The following VIPR1 variants were observed in gnomAD, a reference collection of about 807,000 sequenced individuals.
The protein encoded by VIPR1 is vasoactive intestinal peptide receptor 1.
VIPR1 carries 59 observed loss-of-function variants against 58.8 expected under a neutral mutation model. The observed-to-expected ratio is 1.00, with a 90% CI of 0.81 to 1.25. The LOEUF is 1.25. VIPR1 is among the 50% of genes most tolerant of loss of function. The pLI is 0.00. For missense variants in VIPR1, 626 were observed against 602.7 expected (o/e 1.04, Z -0.40); for synonymous variants, 251 against 242.1 (o/e 1.04, Z -0.34).
rs1005855631 is a variant in VIPR1, at chr3:42,530,575, A to G, written c.637-204A>G. 1.1e-5 allele frequency: 6 copies of G among 568,052 alleles called. No homozygotes were observed. The East Asian group carries it at 1.7e-4, about 16-fold the overall frequency. The allele number at this position is 568,052 out of a possible 1,614,324, so 35.2% of individuals were successfully genotyped here. Reference sequence around the variant, plus strand: ...AATTGATGGATGGATAATTAAAATCACCAGTTTATCCCGAAGTATCAGAGG... The same window carrying G: ...AATTGATGGATGGATAATTAAAATCGCCAGTTTATCCCGAAGTATCAGAGG... On this transcript the variant is annotated intron_variant, in intron 6 of 12. Coordinates refer to ENST00000325123, the MANE Select transcript of VIPR1 (RefSeq NM_004624.4).
In VIPR1 at chr3:42,531,584, C is replaced by T. The variant is rs1001289574; in HGVS notation, c.851+53C>T. On this transcript the variant is annotated intron_variant, in intron 8 of 12. Transcript: ENST00000325123. ...GGCCGCCATCACTTGGGCAGGCCCC[C>T]TGGGTGGGATGATAATGCCATCTGG... 154 of 1,582,550 alleles carry T rather than the reference C, an allele frequency of 9.7e-5. 1 individual carries two copies. The highest frequency in any genetic ancestry group is 6.5e-4 in the South Asian group (57 of 87,624).
At chr3:42,518,805 A>G (rs1169696817) in intron 2 of VIPR1, among the ~76,000 whole-genome samples, 1 of 152,222 alleles carries the variant, frequency 6.6e-6, no homozygotes. Flanking sequence ...TCATTATGAA[A>G]GGTTTTCACC....
At chr3:42,497,736 C>A (rs143735667), upstream of VIPR1, among the ~76,000 whole-genome samples, 69 of 152,320 alleles carry the variant, frequency 4.5e-4, 1 homozygote, top group East Asian at 0.012. Context: ...CTCATGAGAT[C>A]TGATGGTTTT....
intron 1 of VIPR1, among the ~76,000 whole-genome samples, chr3:42,505,748 A>T (rs911349821): frequency 2.6e-5 from 4 of 151,932 alleles, no homozygotes; most frequent in Non-Finnish European, 4.4e-5. Context: ...TCCTCACTCC[A>T]CTCCATGGCA....
At chr3:42,520,302 C>T (rs979718469) in intron 3 of VIPR1, among the ~76,000 whole-genome samples, 4 of 152,102 alleles carry the variant, frequency 2.6e-5, no homozygotes, top group African/African-American at 9.7e-5. Flanking sequence ...AGGACAGAAG[C>T]GAAGACTTGA....
chr3:42,495,913 C>G (rs1406239502), intron 1 of VIPR1, among the ~76,000 whole-genome samples: 1 of 151,740 alleles, frequency 6.6e-6, no homozygotes, highest in East Asian at 1.9e-4. Flanking sequence ...AAAACACAGT[C>G]CTGGCTGACA....
At chr3:42,518,454 G>A (rs992208284) in intron 2 of VIPR1, among the ~76,000 whole-genome samples, 3 of 152,176 alleles carry the variant, frequency 2.0e-5, no homozygotes, top group Non-Finnish European at 2.9e-5. Flanking sequence ...AACAGCTTGT[G>A]TTGGCCGGGC....
chr3:42,525,747 C>A, intron 3 of VIPR1, 140 bp from the exon 4 acceptor site: 1 of 849,626 alleles, frequency 1.2e-6, no homozygotes, highest in Non-Finnish European at 1.8e-6. Flanking sequence ...CCCTGGGTAA[C>A]TGGGTCAGGG....
chr3:42,491,834 C>T (rs1027526552), intron 1 of VIPR1, among the ~76,000 whole-genome samples: 5 of 152,302 alleles, frequency 3.3e-5, no homozygotes, highest in Non-Finnish European at 7.4e-5. Flanking sequence ...ATTGACTTCC[C>T]AAAGTGCTAG....
At chr3:42,491,674 A>G (rs1479041167) in intron 1 of VIPR1, among the ~76,000 whole-genome samples, 1 of 152,164 alleles carries the variant, frequency 6.6e-6, no homozygotes, top group Non-Finnish European at 1.5e-5. Context: ...TCCTGGGTTC[A>G]AGTGATTCTC....
rs1005928249 is a variant in VIPR1 at position 42,522,101 on chromosome 3, A to T, written c.292+2771A>T. 8.2e-4 allele frequency among the ~76,000 whole-genome samples: 29 copies of T among 35,372 alleles called. 1 individual carries two copies. The highest frequency in any genetic ancestry group is 2.4e-3 in the South Asian group (2 of 822). 23.2% of individuals were successfully genotyped at this position (35,372 alleles called of 152,430 possible). ...TTCGAATATATATATATATATATAT[A>T]TTTTTTTTTTTTTTTTTTTTTTTTT... On this transcript the variant is annotated intron_variant, in intron 3 of 12. Coordinates refer to ENST00000325123, the MANE Select transcript of VIPR1 (RefSeq NM_004624.4).
At position 42,513,775 on chromosome 3, in the gene VIPR1, G is replaced by A; in HGVS notation, c.105G>A (p.Glu35=). The part of the protein sequence containing the change: ...PAGGQAARLQ[E]ECDYVQMIEV... ...GCGGCCAGGCGGCCAGGCTGCAGGA[G>A]GAGTGTGACTATGTGCAGATGATCG... is the stretch of plus-strand genomic sequence containing the variant. The change falls in exon 2 of 13, where the codon GAG becomes GAA. Residue 35 remains glutamate, a synonymous_variant. Coordinates refer to ENST00000325123, the MANE Select transcript of VIPR1 (RefSeq NM_004624.4). 1 of 1,551,604 alleles carries A rather than the reference G, an allele frequency of 6.4e-7. No homozygotes were observed. Among genetic ancestry groups the A allele is most frequent in the Non-Finnish European group, 8.7e-7 (1 of 1,146,918 alleles).
At chr3:42,489,888 C>T (rs1390038403) in intron 1 of VIPR1, among the ~76,000 whole-genome samples, 1 of 152,146 alleles carries the variant, frequency 6.6e-6, no homozygotes, top group African/African-American at 2.4e-5. Context: ...TGCTTTCTAC[C>T]TTCTCTCCAC....
upstream of VIPR1, chr3:42,501,968 G>C (rs1699884068): frequency 6.6e-6 from 1 of 152,352 alleles, no homozygotes; most frequent in South Asian, 2.1e-4. This position sits in a 1 kb window ranked among gnomAD's most constrained non-coding sequence, Gnocchi z 4.8. Context: ...GCACCCAACA[G>C]GTGCTGAGCG....
chr3:42,509,379 C>G (rs1306153782), intron 1 of VIPR1: 1 of 152,344 alleles, frequency 6.6e-6, no homozygotes, highest in East Asian at 1.9e-4. Context: ...GGCCTACGAA[C>G]CTGAGCATGG....
intron 3 of VIPR1, among the ~76,000 whole-genome samples, chr3:42,524,901 C>T (rs1701144589): frequency 6.6e-6 from 1 of 152,156 alleles, no homozygotes; most frequent in Non-Finnish European, 1.5e-5. Context: ...GAGTTAACTT[C>T]CTCACTGGAT....
intron 1 of VIPR1, chr3:42,509,743 C>T (rs1700278811): frequency 1.3e-5 from 2 of 152,224 alleles, no homozygotes; most frequent in Admixed American, 1.3e-4. Context: ...TTCTTCTGTC[C>T]TCTGCCATGG....
chr3:42,531,517 T>A lies in VIPR1; in HGVS notation c.837T>A (p.His279Gln). 6.3e-7 allele frequency: 1 copy of A among 1,596,682 alleles called. No homozygotes were observed. Among genetic ancestry groups the A allele is most frequent in the Non-Finnish European group, 8.5e-7 (1 of 1,170,942 alleles). The change falls in exon 8 of 13, where the codon CAT becomes CAA. Residue 279 changes from histidine to glutamine, a missense_variant. His to Gln is a conservative substitution (Grantham distance 24). Coordinates refer to ENST00000325123, the MANE Select transcript of VIPR1 (RefSeq NM_004624.4). ...FTMVWTIARI[H>Q]FEDYGCWDTI... The stretch of plus-strand genomic sequence containing the variant: ...TGGTGTGGACCATCGCCAGGATCCA[T>A]TTTGAGGATTATGGGTGAGCTGCTG...
chr3:42,536,136 G>T lies in VIPR1; in HGVS notation c.1229G>T (p.Gly410Val). The T allele has an allele frequency of 1.2e-6, 2 of 1,606,028 alleles. No individual in the cohort carries two copies. The highest frequency in any genetic ancestry group is 1.7e-6 in the Non-Finnish European group (2 of 1,176,942). ...AAGTGGCGGCGCTGGCACCTGCAGG[G>T]CGTCCTGGGCTGGAACCCCAAATAC... ...RRKWRRWHLQ[G>V]VLGWNPKYRH... Residue 410 changes from glycine to valine, a missense_variant, in exon 13 of 13, where the codon GGC (glycine) becomes GTC (valine). Gly to Val is a moderately radical substitution (Grantham distance 109). Transcript: ENST00000325123.
Sources: gnomAD v4.1 joint callset for allele counts (sites outside exome capture counted in the v4.1 genomes callset) on GRCh38, gnomAD v4.1.1 for gene constraint, Gnocchi (gnomAD v3.1) non-coding constraint, MANE v1.5 for transcripts, NCBI Gene and HGNC (gene_info 2026-07-23, HGNC 2026-07-21) for gene names.